Variants in ASTN2 observed in about 807,000 individuals in gnomAD.
The protein encoded by ASTN2 is astrotactin 2.
In ASTN2, 54 loss-of-function variants were observed where a neutral mutation model predicts 139.8. The ratio of observed to expected loss-of-function variants is 0.39; its 90% CI spans 0.31 to 0.48. The LOEUF is 0.48. ASTN2 is among the 20% of genes least tolerant of loss of function. ASTN2 has a pLI of 0.95. For missense variants in ASTN2, 1,565 were observed against 1,725.1 expected (o/e 0.91, Z 1.64); for synonymous variants, 756 against 719.5 (o/e 1.05, Z -0.81).
intron 1 of ASTN2, among the ~76,000 whole-genome samples, chr9:117,343,794 A>T (rs937068165): frequency 6.6e-6 from 1 of 152,124 alleles, no homozygotes; most frequent in African/African-American, 2.4e-5. Context: ...GCATGTTTTA[A>T]AGGCTGAGCT....
chr9:117,015,532 C>A (rs554542927), intron 6 of ASTN2, among the ~76,000 whole-genome samples: 3 of 152,204 alleles, frequency 2.0e-5, no homozygotes, highest in Non-Finnish European at 4.4e-5. Context: ...GGATAAAAAC[C>A]CAAGTCTGAA....
intron 19 of ASTN2, 97 bp from the exon 20 acceptor site, chr9:116,487,597 T>C (rs1320959917): frequency 8.3e-7 from 1 of 1,206,970 alleles, no homozygotes; most frequent in Non-Finnish European, 1.1e-6. Context: ...TTGATACCAT[T>C]ATCAAGAAAA....
chr9:116,778,325 A>G (rs1309761738), intron 13 of ASTN2, among the ~76,000 whole-genome samples: 1 of 152,152 alleles, frequency 6.6e-6, no homozygotes, highest in Non-Finnish European at 1.5e-5. Context: ...GAGCTGCAGG[A>G]AGGACATAAT....
intron 13 of ASTN2, among the ~76,000 whole-genome samples, chr9:116,741,158 T>C (rs756105839): frequency 3.9e-5 from 6 of 152,098 alleles, no homozygotes; most frequent in Admixed American, 1.3e-4. Flanking sequence ...CGCCCCCTTT[T>C]AAGAATATGT....
intron 1 of ASTN2, among the ~76,000 whole-genome samples, chr9:117,329,604 A>G (rs1828636720): frequency 6.6e-6 from 1 of 152,140 alleles, no homozygotes; most frequent in African/African-American, 2.4e-5. Flanking sequence ...TAGTCAACCA[A>G]ATGACAAAGG....
chr9:117,074,598 C>A (rs1828227553), intron 5 of ASTN2, among the ~76,000 whole-genome samples: 1 of 152,078 alleles, frequency 6.6e-6, no homozygotes, highest in Non-Finnish European at 1.5e-5. Context: ...TAACAGCAGG[C>A]AGGATGCGCT....
At chr9:116,739,322 C>G (rs661934) in intron 13 of ASTN2, among the ~76,000 whole-genome samples, 2 of 152,308 alleles carry the variant, frequency 1.3e-5, no homozygotes, top group African/African-American at 2.4e-5. Flanking sequence ...CCCTCATTAT[C>G]TAGACCCTGC....
intron 20 of ASTN2, among the ~76,000 whole-genome samples, chr9:116,446,555 C>T (rs1848005225): frequency 6.6e-6 from 1 of 152,180 alleles, no homozygotes; most frequent in African/African-American, 2.4e-5. Flanking sequence ...ACTCCTCCTC[C>T]TCCAGTGCTC....
chr9:116,803,829 T>TA (rs1293986581), intron 13 of ASTN2, among the ~76,000 whole-genome samples: 63 of 143,180 alleles, frequency 4.4e-4, no homozygotes, highest in South Asian at 6.7e-4. Flanking sequence ...CAGCCCAGTT[T>TA]AAAAAAAAAA....
chr9:116,791,039 G>GAAAAAGAAAGAAAGA (rs11386508), intron 13 of ASTN2, among the ~76,000 whole-genome samples: 124 of 82,014 alleles, frequency 1.5e-3, no homozygotes, highest in African/African-American at 5.0e-3. Flanking sequence ...AAGAAAGAAA[G>GAAAAAGAAAGAAAGA]AAAGAAAAGA....
At chr9:117,075,508 G>A (rs1001584335) in intron 5 of ASTN2, among the ~76,000 whole-genome samples, 4 of 149,362 alleles carry the variant, frequency 2.7e-5, no homozygotes, top group African/African-American at 9.7e-5. Flanking sequence ...GGGAGGGGGA[G>A]GAGGAGGAGG....
At chr9:117,289,806 A>T (rs747419921) in intron 2 of ASTN2, among the ~76,000 whole-genome samples, 1 of 152,178 alleles carries the variant, frequency 6.6e-6, no homozygotes, top group Non-Finnish European at 1.5e-5. Context: ...TACATATGGA[A>T]AAAGTCTATC....
chr9:117,231,179 G>C (rs1832880172), intron 2 of ASTN2, among the ~76,000 whole-genome samples: 1 of 152,178 alleles, frequency 6.6e-6, no homozygotes, highest in Non-Finnish European at 1.5e-5. Flanking sequence ...GTTAGCAGTA[G>C]TATCTACTTT....
chr9:117,081,877 G>A (rs1828437853), intron 5 of ASTN2, among the ~76,000 whole-genome samples: 1 of 152,186 alleles, frequency 6.6e-6, no homozygotes, highest in Admixed American at 6.5e-5. Flanking sequence ...AATGAATTCT[G>A]CCAACAACCA....
intron 10 of ASTN2, among the ~76,000 whole-genome samples, chr9:116,937,271 C>T (rs1221419894): frequency 6.6e-6 from 1 of 152,034 alleles, no homozygotes; most frequent in East Asian, 1.9e-4. Flanking sequence ...CCTGAGCAAC[C>T]ACTCACCCCT....
intron 4 of ASTN2, among the ~76,000 whole-genome samples, chr9:117,134,317 C>T (rs1476465706): frequency 1.4e-5 from 2 of 147,418 alleles, no homozygotes; most frequent in African/African-American, 2.5e-5. Flanking sequence ...CACACACACA[C>T]ACACACACAC....
chr9:117,377,927 T>A (rs1240283651), intron 1 of ASTN2, among the ~76,000 whole-genome samples: 1 of 152,152 alleles, frequency 6.6e-6, no homozygotes, highest in African/African-American at 2.4e-5. Flanking sequence ...CATGTGGCTA[T>A]AATTAAAGAG....
At chr9:117,253,819 G>A (rs1341373734) in intron 2 of ASTN2, among the ~76,000 whole-genome samples, 1 of 152,162 alleles carries the variant, frequency 6.6e-6, no homozygotes, top group East Asian at 1.9e-4. Context: ...TGAAGCTGAG[G>A]TCAGCCTCAG....
At chr9:116,740,733 C>T (rs918506443) in intron 13 of ASTN2, among the ~76,000 whole-genome samples, 3 of 151,728 alleles carry the variant, frequency 2.0e-5, no homozygotes, top group African/African-American at 7.3e-5. Context: ...CCAGGATGGT[C>T]TCTATCTCCT....
Sources: allele counts gnomAD v4.1 joint callset (sites outside exome capture counted in the v4.1 genomes callset), GRCh38; gene constraint gnomAD v4.1.1; transcripts MANE v1.5; gene names NCBI Gene and HGNC (gene_info 2026-07-23, HGNC 2026-07-21).